TYR: variants seen among roughly 807,000 people sequenced by gnomAD.
TYR encodes the protein tyrosinase.
In TYR, 58 loss-of-function variants were observed where a neutral mutation model predicts 51.5. The ratio of observed to expected loss-of-function variants is 1.13; its 90% CI spans 0.91 to 1.40. The LOEUF (loss-of-function observed/expected upper bound fraction) is 1.40. Ranked by LOEUF, TYR falls within the 40% of genes most tolerant of loss-of-function variation. The pLI is 0.00. For missense variants in TYR, 732 were observed against 647.4 expected, an observed-to-expected ratio of 1.13 and a Z score of -1.42; for synonymous variants, 263 against 235.2, an observed-to-expected ratio of 1.12 and a Z score of -1.08.
rs771132544 is a variant in TYR at position 89,178,062 on chromosome 11, C to A, written c.109C>A (p.Pro37Thr). ...GAACCTGATGGAGAAGGAATGCTGT[C>A]CACCGTGGAGCGGGGACAGGAGTCC... ...SKNLMEKECC[P>T]PWSGDRSPCG... Residue 37 changes from proline to threonine, a missense_variant, in exon 1 of 5, where the codon CCA becomes ACA. Pro to Thr is a conservative substitution (Grantham distance 38). Transcript: ENST00000263321. 2 of 1,614,210 alleles carry A rather than the reference C, an allele frequency of 1.2e-6. No homozygotes were observed. Among genetic ancestry groups the A allele is most frequent in the Non-Finnish European group, 1.7e-6 (2 of 1,180,042 alleles).
At chr11:89,179,121 G>A (rs1367974849) in intron 1 of TYR, among the ~76,000 whole-genome samples, 1 of 151,928 alleles carries the variant, frequency 6.6e-6, no homozygotes, top group African/African-American at 2.4e-5. Context: ...TGAATATCTG[G>A]ATGATTAAAA....
chr11:89,223,170 A>C (rs935139420), intron 2 of TYR, among the ~76,000 whole-genome samples: 3 of 152,224 alleles, frequency 2.0e-5, no homozygotes, highest in African/African-American at 7.2e-5. Context: ...TTTAACTTCT[A>C]TAAGCTGTAG....
intron 2 of TYR, among the ~76,000 whole-genome samples, chr11:89,205,401 T>A (rs532292791): frequency 4.5e-4 from 68 of 152,214 alleles, no homozygotes; most frequent in African/African-American, 1.5e-3. Flanking sequence ...AATTAAAGAA[T>A]CAGAGTTAAA....
At chr11:89,207,750 A>G (rs755931590) in intron 2 of TYR, among the ~76,000 whole-genome samples, 1 of 152,220 alleles carries the variant, frequency 6.6e-6, no homozygotes, top group Non-Finnish European at 1.5e-5. Flanking sequence ...AAAGAATTTT[A>G]TGCATTGAAA....
rs114561228 is a variant in TYR, at chr11:89,189,387, A to G, written c.820-1815A>G. Among the ~76,000 whole-genome samples, 1,181 of 152,132 alleles carry G rather than the reference A, an allele frequency of 7.8e-3. 14 individuals are homozygous for G. Among genetic ancestry groups the G allele is most frequent in the African/African-American group, 0.026 (1,089 of 41,546 alleles). On this transcript the variant is annotated intron_variant, in intron 1 of 4. Coordinates refer to ENST00000263321, the MANE Select transcript of TYR (RefSeq NM_000372.5). ...AATGAAAATCACCTTGGTTCTAGCT[A>G]AAGGATCAGAGAAATTTCTTTTCTT...
At position 89,295,177 on chromosome 11, in the gene TYR, T is replaced by C; in HGVS notation, c.1401T>C (p.Tyr467=). The C allele has an allele frequency of 6.2e-7, 1 of 1,613,988 alleles. No individual in the cohort carries two copies. Among genetic ancestry groups the C allele is most frequent in the Non-Finnish European group, 8.5e-7 (1 of 1,179,874 alleles). ...PDSFQDYIKS[Y]LEQASRIWSW... is the part of the protein sequence containing the mutation. ...CTTTTCAAGACTACATTAAGTCCTATTTGGAACAAGCGAGTCGGATCTGGT... is the reference window on the plus strand; with the variant it reads ...CTTTTCAAGACTACATTAAGTCCTACTTGGAACAAGCGAGTCGGATCTGGT... Residue 467 remains tyrosine, a synonymous_variant, in exon 5 of 5, where the codon TAT becomes TAC. Coordinates refer to ENST00000263321, the MANE Select transcript of TYR (RefSeq NM_000372.5).
intron 2 of TYR, 109 bp from the exon 3 acceptor site, chr11:89,227,714 T>C: frequency 1.0e-6 from 1 of 953,204 alleles, no homozygotes; most frequent in East Asian, 2.6e-5. Flanking sequence ...TTTTTGATTT[T>C]ATATTTTGAA....
At chr11:89,259,470 A>T (rs1164995255) in intron 3 of TYR, among the ~76,000 whole-genome samples, 1 of 152,138 alleles carries the variant, frequency 6.6e-6, no homozygotes, top group African/African-American at 2.4e-5. Flanking sequence ...TCTGAACAAT[A>T]GATCTTACGC....
In TYR at chr11:89,223,249, A is replaced by T. The variant is rs1044798642; in HGVS notation, c.1037-4574A>T. On this transcript the variant is annotated intron_variant, in intron 2 of 4. Coordinates refer to ENST00000263321, the MANE Select transcript of TYR (RefSeq NM_000372.5). ...CAAGTAGCCCTGAGATTCAAATGAG[A>T]TTATTTACATGAAAGATATTTGAAA... is the stretch of plus-strand genomic sequence containing the variant. Among the ~76,000 whole-genome samples, 10 of 152,318 alleles carry T rather than the reference A, an allele frequency of 6.6e-5. No individual in the cohort carries two copies. The South Asian group carries it at 2.1e-3, about 32-fold the overall frequency.
chr11:89,219,598 G>A (rs1273630254), intron 2 of TYR, among the ~76,000 whole-genome samples: 1 of 152,092 alleles, frequency 6.6e-6, no homozygotes. Context: ...CTGATAGAAT[G>A]CTTTTAAAAG....
intron 3 of TYR, among the ~76,000 whole-genome samples, chr11:89,278,487 GTGTA>G (rs1294620026): frequency 2.0e-5 from 3 of 151,632 alleles, no homozygotes; most frequent in African/African-American, 7.3e-5. Flanking sequence ...TATTACATAT[GTGTA>G]TGTAAGTTTT....
At position 89,295,470 on chromosome 11, in the gene TYR, C is replaced by G; in HGVS notation, c.*104C>G. The stretch of plus-strand genomic sequence containing the variant: ...TCTGCTGGTATTTTTCTGTAAAGAC[C>G]ATTTGCAAAATTGTAACCTAATACA... On this transcript the variant is annotated 3_prime_UTR_variant, in exon 5 of 5. Coordinates refer to ENST00000263321, the MANE Select transcript of TYR (RefSeq NM_000372.5). The G allele has an allele frequency of 6.8e-7, 1 of 1,471,760 alleles. No homozygotes were observed. The highest frequency in any genetic ancestry group is 9.2e-7 in the Non-Finnish European group (1 of 1,081,616). 91.2% of individuals were successfully genotyped at this position (1,471,760 alleles called of 1,614,324 possible). A position where few individuals can be genotyped will look rare whatever the true frequency, so the allele number is the denominator to read the frequency against.
chr11:89,271,757 A>G lies in TYR; in HGVS notation c.1185-13016A>G, dbSNP rs190579233. On this transcript the variant is annotated intron_variant, in intron 3 of 4. Coordinates refer to ENST00000263321, the MANE Select transcript of TYR (RefSeq NM_000372.5). Reference sequence around the variant, plus strand: ...AGAACTTCTTGCAAATATGGAGTCAATCCTCTCAAACCCTACTGGTACTTT... The same window carrying G: ...AGAACTTCTTGCAAATATGGAGTCAGTCCTCTCAAACCCTACTGGTACTTT... Among the ~76,000 whole-genome samples the G allele has an allele frequency of 5.1e-3, 776 of 152,062 alleles. 2 individuals are homozygous for G. The highest frequency in any genetic ancestry group is 0.018 in the African/African-American group (751 of 41,550).
In TYR at chr11:89,254,419, G is replaced by A. The variant is rs560930582; in HGVS notation, c.1184+26449G>A. Reference sequence around the variant, plus strand: ...GATTCATAACAATTCTTTGAACATCGGATAGAATTCAGCTGTGACTGTGTC... The same window carrying A: ...GATTCATAACAATTCTTTGAACATCAGATAGAATTCAGCTGTGACTGTGTC... On this transcript the variant is annotated intron_variant, in intron 3 of 4. Coordinates refer to ENST00000263321, the MANE Select transcript of TYR (RefSeq NM_000372.5). 5.3e-3 allele frequency among the ~76,000 whole-genome samples: 809 copies of A among 151,520 alleles called. 4 individuals are homozygous for A. The highest frequency in any genetic ancestry group is 7.9e-3 in the Non-Finnish European group (532 of 67,608).
intron 3 of TYR, among the ~76,000 whole-genome samples, chr11:89,250,745 G>A (rs1944321346): frequency 1.3e-5 from 2 of 151,738 alleles, no homozygotes; most frequent in East Asian, 1.9e-4. Context: ...TATTGCATTA[G>A]GGTTCACCCT....
chr11:89,272,588 A>G (rs980651907), intron 3 of TYR, among the ~76,000 whole-genome samples: 4 of 151,904 alleles, frequency 2.6e-5, no homozygotes, highest in Non-Finnish European at 5.9e-5. Context: ...AACTTAAACT[A>G]ACCAGCTGCA....
chr11:89,196,311 G>C (rs1286731079), intron 2 of TYR, among the ~76,000 whole-genome samples: 1 of 152,142 alleles, frequency 6.6e-6, no homozygotes. Flanking sequence ...GAAAATTCAT[G>C]AAGATAGAAC....
chr11:89,200,085 G>C (rs1308155592), intron 2 of TYR, among the ~76,000 whole-genome samples: 2 of 152,106 alleles, frequency 1.3e-5, no homozygotes, highest in African/African-American at 2.4e-5. Flanking sequence ...ACAAATACGA[G>C]TTAAAAGACT....
chr11:89,285,921 G>A (rs902241269), intron 4 of TYR, among the ~76,000 whole-genome samples: 1 of 151,706 alleles, frequency 6.6e-6, no homozygotes, highest in Non-Finnish European at 1.5e-5. Context: ...TGCATTCATT[G>A]ATAATGACAC....
Sources: allele counts gnomAD v4.1 joint callset (sites outside exome capture counted in the v4.1 genomes callset), GRCh38; gene constraint gnomAD v4.1.1; transcripts MANE v1.5; gene names NCBI Gene and HGNC (gene_info 2026-07-23, HGNC 2026-07-21).